ZNF141: variants seen among roughly 807,000 people sequenced by gnomAD.
ZNF141 encodes zinc finger protein 141, also known as zinc finger protein 141 (clone pHZ-44).
In ZNF141, 7 loss-of-function variants were observed where a neutral mutation model predicts 11.3. The ratio of observed to expected loss-of-function variants is 0.62; its 90% CI spans 0.35 to 1.16. The LOEUF (loss-of-function observed/expected upper bound fraction) is 1.16. Ranked by LOEUF, ZNF141 falls within the 50% of genes most tolerant of loss-of-function variation. The pLI, the probability that ZNF141 is intolerant of heterozygous loss-of-function variation, is 0.02. For synonymous variants in ZNF141, 183 were observed against 190.7 expected, an observed-to-expected ratio of 0.96 and a Z score of 0.33; for missense variants, 535 against 554.0, an observed-to-expected ratio of 0.97 and a Z score of 0.34.
chr4:354,320 C>T (rs1354862956), intron 3 of ZNF141, among the ~76,000 whole-genome samples: 1 of 152,210 alleles, frequency 6.6e-6, no homozygotes. Context: ...CCAAGGTCAC[C>T]CTGCAGGTGC....
At chr4:355,807 T>G (rs61792151) in intron 3 of ZNF141, among the ~76,000 whole-genome samples, 431 of 152,356 alleles carry the variant, frequency 2.8e-3, no homozygotes, top group Non-Finnish European at 5.4e-3. Flanking sequence ...TCCGAGAGCA[T>G]GTCATTCCCA....
In ZNF141 at chr4:382,769, T is replaced by C. The variant is rs1712721781; in HGVS notation, c.*8907T>C. On this transcript the variant is annotated 3_prime_UTR_variant, in exon 4 of 4. Transcript: ENST00000240499. ...CCCTTGAAGGTCCAGGAAACCTGGC[T>C]GAGTAGTGTGGTCTATGGAGGTGCA... The C allele has an allele frequency of 6.0e-6, 1 of 168,006 alleles. No homozygotes were observed. Among genetic ancestry groups the C allele is most frequent in the Admixed American group, 6.1e-5 (1 of 16,432 alleles). 10.4% of individuals were successfully genotyped at this position (168,006 alleles called of 1,614,324 possible).
intron 3 of ZNF141, among the ~76,000 whole-genome samples, chr4:345,677 G>A (rs1301570875): frequency 1.4e-5 from 2 of 144,730 alleles, no homozygotes; most frequent in Non-Finnish European, 3.0e-5. Context: ...GCGGTTTGCC[G>A]AGATTTTGCC....
At chr4:359,616 A>T (rs927435188) in intron 3 of ZNF141, among the ~76,000 whole-genome samples, 1 of 152,090 alleles carries the variant, frequency 6.6e-6, no homozygotes, top group Non-Finnish European at 1.5e-5. Flanking sequence ...GAGCTTGGTT[A>T]TAGGACTGCT....
At chr4:351,234 A>AC (rs201818532) in intron 3 of ZNF141, among the ~76,000 whole-genome samples, 1 of 142,220 alleles carries the variant, frequency 7.0e-6, no homozygotes, top group East Asian at 2.1e-4. Context: ...AGCCAGTTAA[A>AC]CCTTTTTTTT....
chr4:371,532 TTG>T (rs1233225883), intron 3 of ZNF141, among the ~76,000 whole-genome samples: 2 of 137,912 alleles, frequency 1.5e-5, no homozygotes, highest in South Asian at 4.6e-4. Context: ...GCCTCACCTT[TTG>T]TGATAATTTG....
rs370714000 is a variant in ZNF141 at position 373,538 on chromosome 4, C to T, written c.1101C>T (p.Tyr367=). 8.6e-5 allele frequency: 138 copies of T among 1,613,614 alleles called. No individual in the cohort carries two copies. Among genetic ancestry groups the T allele is most frequent in the Non-Finnish European group, 1.4e-5 (17 of 1,179,882 alleles). The change falls in exon 4 of 4, where the codon TAC becomes TAT. Residue 367 remains tyrosine, a synonymous_variant. Coordinates refer to ENST00000240499, the MANE Select transcript of ZNF141 (RefSeq NM_003441.4). ...HKKVHTGERP[Y]KCDECGKAFG... ...AAGTTCATACTGGAGAGCGGCCCTACAAATGTGATGAATGTGGCAAAGCCT... is the reference window on the plus strand; with the variant it reads ...AAGTTCATACTGGAGAGCGGCCCTATAAATGTGATGAATGTGGCAAAGCCT...
At position 379,772 on chromosome 4, in the gene ZNF141, G is replaced by A. The variant is rs889763725; in HGVS notation, c.*5910G>A. ...TACTCATCATTTGCAACATTATTCT[G>A]TAATTTTTAAAATATATTTGTTAAT... On this transcript the variant is annotated 3_prime_UTR_variant, in exon 4 of 4. Coordinates refer to ENST00000240499, the MANE Select transcript of ZNF141 (RefSeq NM_003441.4). 1.3e-5 allele frequency among the ~76,000 whole-genome samples: 2 copies of A among 152,176 alleles called. No homozygotes were observed.
intron 1 of ZNF141, among the ~76,000 whole-genome samples, chr4:340,002 A>G (rs1553848179): frequency 6.6e-6 from 1 of 152,184 alleles, no homozygotes; most frequent in Non-Finnish European, 1.5e-5. Flanking sequence ...CTTGAGAGCT[A>G]ATTATGGTGA....
chr4:365,580 C>G (rs1711701582), intron 3 of ZNF141, among the ~76,000 whole-genome samples: 1 of 152,200 alleles, frequency 6.6e-6, no homozygotes, highest in Non-Finnish European at 1.5e-5. Context: ...TATTTTCTTT[C>G]ATTCTGTAGA....
At chr4:366,727 C>G (rs782159649) in intron 3 of ZNF141, among the ~76,000 whole-genome samples, 1 of 151,700 alleles carries the variant, frequency 6.6e-6, no homozygotes, top group African/African-American at 2.4e-5. Context: ...CAGACTGGAG[C>G]GCACTGGTGC....
chr4:374,037 C>A lies in ZNF141; in HGVS notation c.*175C>A. 1.5e-6 allele frequency: 1 copy of A among 668,156 alleles called. No individual in the cohort carries two copies. The highest frequency in any genetic ancestry group is 2.6e-6 in the Non-Finnish European group (1 of 385,548). The allele number at this position is 668,156 out of a possible 1,614,324, so 41.4% of individuals were successfully genotyped here. ...TAAGAGAATTCATACCGGAGAGAAACTGTACAAATGTGAAGAATATGGCAA... is the reference window on the plus strand; with the variant it reads ...TAAGAGAATTCATACCGGAGAGAAAATGTACAAATGTGAAGAATATGGCAA... On this transcript the variant is annotated 3_prime_UTR_variant, in exon 4 of 4. Coordinates refer to ENST00000240499, the MANE Select transcript of ZNF141 (RefSeq NM_003441.4).
chr4:366,528 T>G (rs113247932), intron 3 of ZNF141, among the ~76,000 whole-genome samples: 8,716 of 152,286 alleles, frequency 0.057, 384 homozygotes, highest in African/African-American at 0.13. Context: ...GCTCTCGAAC[T>G]ACTGACCTCG....
chr4:361,088 C>T (rs573755935), intron 3 of ZNF141, among the ~76,000 whole-genome samples: 4 of 152,244 alleles, frequency 2.6e-5, no homozygotes, highest in Admixed American at 2.0e-4. Flanking sequence ...TGATGAAAAA[C>T]ATAAAATTGC....
chr4:373,029 C>T lies in ZNF141; in HGVS notation c.592C>T (p.Pro198Ser), dbSNP rs369583818. 11 of 1,613,872 alleles carry T rather than the reference C, an allele frequency of 6.8e-6. No individual in the cohort carries two copies. The highest frequency in any genetic ancestry group is 2.7e-5 in the African/African-American group (2 of 74,930). The change falls in exon 4 of 4, where the codon CCC becomes TCC. Residue 198 changes from proline to serine, a missense_variant. By Grantham distance (74) the Pro-to-Ser change is moderately conservative. Coordinates refer to ENST00000240499, the MANE Select transcript of ZNF141 (RefSeq NM_003441.4). The part of the protein sequence containing the change: ...QHKVIHAGEK[P>S]YTCEECGKAF... ...TAAGGTAATTCATGCTGGAGAGAAA[C>T]CCTACACTTGTGAAGAATGTGGCAA...
rs1712138293 is a variant in ZNF141 at position 372,826 on chromosome 4, ATAATGAATT to A, written c.398_406del (p.Phe133_Glu135del). 6.2e-7 allele frequency: 1 copy of A among 1,613,360 alleles called. No homozygotes were observed. The highest frequency in any genetic ancestry group is 1.3e-5 in the African/African-American group (1 of 74,922). ...GAGTGTAAGTTGCAGAAAGGAGGTT[ATAATGAATT>A]TAATGAATGCTTGTCAACTACCCAG... On this transcript the variant is annotated inframe_deletion, in exon 4 of 4. Coordinates refer to ENST00000240499, the MANE Select transcript of ZNF141 (RefSeq NM_003441.4).
intron 3 of ZNF141, among the ~76,000 whole-genome samples, chr4:346,586 A>G (rs1721326368): frequency 6.6e-6 from 1 of 152,172 alleles, no homozygotes; most frequent in South Asian, 2.1e-4. Flanking sequence ...GATTTACTCA[A>G]CTTATAACTA....
chr4:343,724 CAAAAAAAA>C (rs35268031), intron 1 of ZNF141, 50 bp from the exon 2 acceptor site: 79 of 875,800 alleles, frequency 9.0e-5, no homozygotes, highest in South Asian at 3.2e-4. Flanking sequence ...GACTCCGTCT[CAAAAAAAA>C]AAAAAAAAAA....
intron 2 of ZNF141, 63 bp downstream of exon 2, chr4:343,971 G>A: frequency 6.4e-7 from 1 of 1,554,148 alleles, no homozygotes; most frequent in Non-Finnish European, 8.6e-7. Flanking sequence ...TTCCTTTGAA[G>A]AATTTCTCCT....
Sources: gnomAD v4.1 joint callset for allele counts (sites outside exome capture counted in the v4.1 genomes callset) on GRCh38, gnomAD v4.1.1 for gene constraint, MANE v1.5 for transcripts, NCBI Gene and HGNC (gene_info 2026-07-23, HGNC 2026-07-21) for gene names.